Variants in TBC1D8 observed in about 807,000 individuals in gnomAD.
The protein encoded by TBC1D8 is TBC1 domain family member 8.
A neutral mutation model predicts 118.8 loss-of-function variants in TBC1D8; 65 were observed. The observed-to-expected ratio is 0.55, with a 90% confidence interval of 0.45 to 0.67. The LOEUF (loss-of-function observed/expected upper bound fraction) is 0.67. Ranked by LOEUF, TBC1D8 falls within the 30% of genes least tolerant of loss-of-function variation. The pLI, the probability that TBC1D8 is intolerant of heterozygous loss-of-function variation, is 0.00. For missense variants in TBC1D8, 1,376 were observed against 1,471.2 expected (o/e 0.94, Z 1.06); for synonymous variants, 566 against 595.8 (o/e 0.95, Z 0.73).
At chr2:101,108,093 G>A (rs1434092771) in intron 1 of TBC1D8, among the ~76,000 whole-genome samples, 13 of 151,058 alleles carry the variant, frequency 8.6e-5, no homozygotes, top group African/African-American at 3.2e-4. Context: ...AGTGGGGGGA[G>A]GGAGGGGAGG....
At chr2:101,129,281 C>G (rs929316141) in intron 1 of TBC1D8, among the ~76,000 whole-genome samples, 1 of 151,938 alleles carries the variant, frequency 6.6e-6, no homozygotes, top group African/African-American at 2.4e-5. Context: ...GCTGGGACTC[C>G]AGGCACACGC....
At position 101,037,590 on chromosome 2, in the gene TBC1D8, G is replaced by C. The variant is rs748153320; in HGVS notation, c.1394C>G (p.Pro465Arg). 6.2e-7 allele frequency: 1 copy of C among 1,613,412 alleles called. No homozygotes were observed. Among genetic ancestry groups the C allele is most frequent in the South Asian group, 1.1e-5 (1 of 91,060 alleles). ...CTGGAAGGCGGTGACCAGGGCATCGGGGTGCATCAGCGGGCTCTTCTCTTT... is the reference window on the plus strand; with the variant it reads ...CTGGAAGGCGGTGACCAGGGCATCGCGGTGCATCAGCGGGCTCTTCTCTTT... ...SEKEKSPLMH[P>R]DALVTAFQQS... Residue 465 changes from proline to arginine, a missense_variant, in exon 8 of 20, where the codon CCC (proline) becomes CGC (arginine). Pro to Arg is a moderately radical substitution (Grantham distance 103). Transcript: ENST00000409318.
At chr2:101,025,158 A>T (rs1680265513) in intron 15 of TBC1D8, among the ~76,000 whole-genome samples, 1 of 152,192 alleles carries the variant, frequency 6.6e-6, no homozygotes. Context: ...AAAGATACGC[A>T]CATTGTTAAC....
At position 101,064,235 on chromosome 2, in the gene TBC1D8, G is replaced by A. The variant is rs141781556; in HGVS notation, c.284-4696C>T. On this transcript the variant is annotated intron_variant, in intron 2 of 19. Coordinates refer to ENST00000409318, the MANE Select transcript of TBC1D8 (RefSeq NM_001330348.2). The stretch of plus-strand genomic sequence containing the variant: ...CCTGACTGGTGTCCTTATAAGAAGA[G>A]ACACCGGGGAAGTGCACCCATGGAG... 1.5e-3 allele frequency among the ~76,000 whole-genome samples: 232 copies of A among 152,258 alleles called. 1 individual carries two copies. The highest frequency in any genetic ancestry group is 5.2e-3 in the African/African-American group (215 of 41,558).
At position 101,007,888 on chromosome 2, in the gene TBC1D8, T is replaced by C; in HGVS notation, c.3401A>G (p.Gln1134Arg). 6.2e-7 allele frequency: 1 copy of C among 1,614,066 alleles called. No individual in the cohort carries two copies. ...KSKLENAKIN[Q>R]YNLKTFEMSH... ...CATTTCAAAAGTTTTGAGATTGTAC[T>C]GATTGATCTTGGCATTTTCAAGTTT... is the stretch of plus-strand genomic sequence containing the variant. The change falls in exon 20 of 20, where the codon CAG (glutamine) becomes CGG (arginine). Residue 1134 changes from glutamine (Q) to arginine (R), a missense_variant. Coordinates refer to ENST00000409318, the MANE Select transcript of TBC1D8 (RefSeq NM_001330348.2).
intron 2 of TBC1D8, among the ~76,000 whole-genome samples, chr2:101,067,785 ACTCT>A (rs1209009890): frequency 6.6e-6 from 1 of 152,046 alleles, no homozygotes; most frequent in East Asian, 1.9e-4. Context: ...GGCACGATTG[ACTCT>A]CTCTTTCACG....
chr2:101,143,046 G>A (rs533314674), intron 1 of TBC1D8, among the ~76,000 whole-genome samples: 1 of 145,622 alleles, frequency 6.9e-6, no homozygotes, highest in Non-Finnish European at 1.5e-5. Context: ...TTTTATTGTT[G>A]ATTTTTCTTT....
intron 5 of TBC1D8, among the ~76,000 whole-genome samples, chr2:101,046,760 C>T (rs1446501640): frequency 6.6e-6 from 1 of 152,104 alleles, no homozygotes; most frequent in Admixed American, 6.5e-5. Flanking sequence ...TCCGCCAGGC[C>T]ATGAGGGACC....
intron 3 of TBC1D8, among the ~76,000 whole-genome samples, chr2:101,056,727 G>C (rs776778001): frequency 9.2e-5 from 14 of 152,142 alleles, no homozygotes; most frequent in Non-Finnish European, 1.5e-4. Context: ...TGAAGGCTCC[G>C]GAGCAGACAG....
intron 2 of TBC1D8, among the ~76,000 whole-genome samples, chr2:101,072,358 A>G (rs968848000): frequency 2.6e-5 from 4 of 151,990 alleles, no homozygotes; most frequent in Non-Finnish European, 5.9e-5. Context: ...GGAGAGGGGC[A>G]GGAGAGAGAG....
chr2:101,150,826 C>T (rs1290527547), intron 1 of TBC1D8, among the ~76,000 whole-genome samples: 4 of 152,116 alleles, frequency 2.6e-5, no homozygotes, highest in African/African-American at 9.7e-5. Context: ...CCCGCTCCAC[C>T]CGGCGTTTCT....
chr2:101,090,581 C>A (rs146535503), intron 1 of TBC1D8, among the ~76,000 whole-genome samples: 2 of 152,216 alleles, frequency 1.3e-5, no homozygotes, highest in Non-Finnish European at 2.9e-5. Context: ...GCACTCAGTA[C>A]TCATTTGCTC....
intron 5 of TBC1D8, among the ~76,000 whole-genome samples, chr2:101,042,288 C>G (rs1303579333): frequency 6.6e-6 from 1 of 152,010 alleles, no homozygotes; most frequent in Non-Finnish European, 1.5e-5. Flanking sequence ...AAATACTGAT[C>G]AAGTTATGTC....
At chr2:101,131,273 G>A (rs539122449) in intron 1 of TBC1D8, among the ~76,000 whole-genome samples, 1 of 152,270 alleles carries the variant, frequency 6.6e-6, no homozygotes, top group East Asian at 1.9e-4. Flanking sequence ...AGCACTTTGG[G>A]AGGCAAAGGC....
chr2:101,049,201 T>C (rs1681897702), intron 5 of TBC1D8, among the ~76,000 whole-genome samples: 1 of 152,242 alleles, frequency 6.6e-6, no homozygotes, highest in South Asian at 2.1e-4. Context: ...CTAGTGGTTC[T>C]TTAAAAATTA....
At chr2:101,105,715 A>G (rs1677163822) in intron 1 of TBC1D8, among the ~76,000 whole-genome samples, 1 of 152,070 alleles carries the variant, frequency 6.6e-6, no homozygotes. Context: ...CAAAAAACTG[A>G]CGATACCAAT....
chr2:101,102,063 A>AAGGGG (rs928059476), intron 1 of TBC1D8, among the ~76,000 whole-genome samples: 4 of 134,488 alleles, frequency 3.0e-5, no homozygotes, highest in Non-Finnish European at 6.3e-5. Flanking sequence ...GAGGGGAGGG[A>AAGGGG]AGGGGAGGGG....
intron 1 of TBC1D8, among the ~76,000 whole-genome samples, chr2:101,131,158 C>T (rs970248909): frequency 6.6e-6 from 1 of 152,218 alleles, no homozygotes; most frequent in Non-Finnish European, 1.5e-5. Context: ...CCACCTCAGC[C>T]TCCCAAGTAG....
At position 101,028,395 on chromosome 2, in the gene TBC1D8, G is replaced by T. The variant is rs772352018; in HGVS notation, c.2260C>A (p.Pro754Thr). The change falls in exon 13 of 20, where the codon CCC (proline) becomes ACC (threonine). Residue 754 changes from proline to threonine, a missense_variant. Coordinates refer to ENST00000409318, the MANE Select transcript of TBC1D8 (RefSeq NM_001330348.2). Reference sequence around the variant, plus strand: ...AAGGCATGGTGGCTGCCAACTGGGGGCCCTGGGCTGTCCTCATTCTTAATG... The same window carrying T: ...AAGGCATGGTGGCTGCCAACTGGGGTCCCTGGGCTGTCCTCATTCTTAATG... ...DHIKNEDSPG[P>T]PVGSHHAFFS... 1.2e-6 allele frequency: 2 copies of T among 1,605,172 alleles called. No homozygotes were observed. Among genetic ancestry groups the T allele is most frequent in the Admixed American group, 1.7e-5 (1 of 59,152 alleles).
Sources: allele counts gnomAD v4.1 joint callset (sites outside exome capture counted in the v4.1 genomes callset), GRCh38; gene constraint gnomAD v4.1.1; transcripts MANE v1.5; gene names NCBI Gene and HGNC (gene_info 2026-07-23, HGNC 2026-07-21).